The following MEIS2 variants were observed in gnomAD, a reference collection of about 807,000 sequenced individuals.
MEIS2 encodes Meis homeobox 2.
Under a neutral mutation model 58.6 loss-of-function variants are expected in MEIS2, and 9 were observed. The ratio of observed to expected loss-of-function variants is 0.15; its 90% CI spans 0.09 to 0.27. The LOEUF (loss-of-function observed/expected upper bound fraction) is 0.27, where lower values mean the gene tolerates loss of function less well. Ranked by LOEUF, MEIS2 falls within the 10% of genes least tolerant of loss-of-function variation. The pLI, the probability that MEIS2 is intolerant of heterozygous loss-of-function variation, is 1.00. For synonymous variants in MEIS2, 221 were observed against 228.4 expected, an observed-to-expected ratio of 0.97 and a Z score of 0.29; for missense variants, 427 against 635.0, an observed-to-expected ratio of 0.67 and a Z score of 3.52.
intron 7 of MEIS2, 22 bp from the exon 8 acceptor site, chr15:37,036,981 AC>A (rs1206014361): frequency 6.3e-7 from 1 of 1,587,144 alleles, no homozygotes; most frequent in Non-Finnish European, 8.6e-7. Context: ...AAATAAAAAT[AC>A]ATTAGAGAAA....
chr15:36,941,712 A>T (rs943461623), intron 9 of MEIS2, among the ~76,000 whole-genome samples: 2 of 152,220 alleles, frequency 1.3e-5, no homozygotes, highest in African/African-American at 4.8e-5. Flanking sequence ...AAGGAGATCA[A>T]TCTATCAATC....
chr15:36,956,088 C>T (rs1304250502), intron 8 of MEIS2, among the ~76,000 whole-genome samples: 2 of 137,330 alleles, frequency 1.5e-5, no homozygotes, highest in Admixed American at 1.5e-4. Context: ...TCCAGCTACT[C>T]GGGAGGCTGA....
chr15:37,070,203 A>G (rs551261645), intron 7 of MEIS2, among the ~76,000 whole-genome samples: 2 of 152,310 alleles, frequency 1.3e-5, no homozygotes, highest in Non-Finnish European at 2.9e-5. Flanking sequence ...TTAATGGAAC[A>G]TTCTGCACAA....
At chr15:37,094,038 A>G in intron 5 of MEIS2, 1 of 351,882 alleles carries the variant, frequency 2.8e-6, no homozygotes, top group Non-Finnish European at 5.2e-6. Flanking sequence ...ATCTGATTTG[A>G]TAATAACATC....
At chr15:37,074,226 T>C (rs989357144) in intron 7 of MEIS2, among the ~76,000 whole-genome samples, 1 of 152,030 alleles carries the variant, frequency 6.6e-6, no homozygotes, top group African/African-American at 2.4e-5. Context: ...GTATTAATAC[T>C]ACCACCTTAG....
At chr15:36,995,982 T>G (rs1450281230) in intron 8 of MEIS2, among the ~76,000 whole-genome samples, 1 of 75,358 alleles carries the variant, frequency 1.3e-5, no homozygotes, top group African/African-American at 3.8e-5. Context: ...TATATATATA[T>G]ATATATATAT....
chr15:37,016,671 T>G (rs138554499), intron 8 of MEIS2, among the ~76,000 whole-genome samples: 6 of 152,338 alleles, frequency 3.9e-5, no homozygotes, highest in African/African-American at 1.4e-4. Flanking sequence ...ATAGGAACTT[T>G]TGCCTTTAAC....
At position 36,891,817 on chromosome 15, in the gene MEIS2, T is replaced by G. The variant is rs1355535161; in HGVS notation, c.*356A>C. On this transcript the variant is annotated 3_prime_UTR_variant, in exon 12 of 12. Transcript: ENST00000561208. ...TCTTTTGGGAACAACACACATAGTG[T>G]GGAAAACAAGGATATATTTTTTTTT... The G allele has an allele frequency of 3.5e-6, 1 of 285,834 alleles. No individual in the cohort carries two copies. Among genetic ancestry groups the G allele is most frequent in the African/African-American group, 2.3e-5 (1 of 43,852 alleles). 17.7% of individuals were successfully genotyped at this position (285,834 alleles called of 1,614,324 possible). A position where few individuals can be genotyped will look rare whatever the true frequency, so the allele number is the denominator to read the frequency against.
intron 9 of MEIS2, among the ~76,000 whole-genome samples, chr15:36,908,358 C>T (rs1322144333): frequency 1.3e-5 from 2 of 152,152 alleles, no homozygotes; most frequent in East Asian, 1.9e-4. Flanking sequence ...AGTTATGCCA[C>T]ATCTGCTTTA....
chr15:36,959,586 T>A (rs112101181), intron 8 of MEIS2, among the ~76,000 whole-genome samples: 1 of 152,086 alleles, frequency 6.6e-6, no homozygotes, highest in Non-Finnish European at 1.5e-5. Context: ...AAAAGCCAGA[T>A]AGAAAATGAG....
chr15:37,012,787 T>G (rs1367378024), intron 8 of MEIS2, among the ~76,000 whole-genome samples: 1 of 152,224 alleles, frequency 6.6e-6, no homozygotes, highest in Non-Finnish European at 1.5e-5. Flanking sequence ...AAATCTAATT[T>G]GGATTTGCAA....
At chr15:37,013,890 C>T (rs1026783315) in intron 8 of MEIS2, among the ~76,000 whole-genome samples, 2 of 152,150 alleles carry the variant, frequency 1.3e-5, no homozygotes, top group African/African-American at 4.8e-5. Flanking sequence ...GGCCACCTTA[C>T]AGTATACTTG....
At chr15:37,019,897 A>G (rs8032714) in intron 8 of MEIS2, among the ~76,000 whole-genome samples, 137,308 of 152,206 alleles carry the variant, frequency 0.9, 63,662 homozygotes, top group East Asian at 1. Flanking sequence ...TTGCATACAT[A>G]GTAACACCAA....
chr15:36,996,047 A>ATATGTG (rs2060510654), intron 8 of MEIS2, among the ~76,000 whole-genome samples: 44 of 99,554 alleles, frequency 4.4e-4, no homozygotes, highest in African/African-American at 1.3e-3. Flanking sequence ...ACACACACAC[A>ATATGTG]TATATATATA....
chr15:36,991,981 G>T (rs2060311863), intron 8 of MEIS2, among the ~76,000 whole-genome samples: 1 of 150,290 alleles, frequency 6.7e-6, no homozygotes, highest in Admixed American at 6.6e-5. Context: ...TAGAGACGGG[G>T]TTTCACCGTT....
intron 11 of MEIS2, among the ~76,000 whole-genome samples, chr15:36,894,006 C>G (rs1252948035): frequency 6.6e-6 from 1 of 152,188 alleles, no homozygotes; most frequent in South Asian, 2.1e-4. Context: ...ACACTTGAAG[C>G]TTTAAAGTCT....
chr15:37,055,436 T>G (rs1888256963), intron 7 of MEIS2, among the ~76,000 whole-genome samples: 1 of 152,142 alleles, frequency 6.6e-6, no homozygotes, highest in African/African-American at 2.4e-5. Context: ...CCCCACTTCC[T>G]AGAGCCTCAC....
chr15:36,953,000 T>TA (rs932919533), intron 8 of MEIS2, among the ~76,000 whole-genome samples: 3 of 152,116 alleles, frequency 2.0e-5, no homozygotes, highest in Non-Finnish European at 4.4e-5. Context: ...AAGACCATAA[T>TA]AACTTTAACT....
At chr15:37,044,996 T>C (rs929286872) in intron 7 of MEIS2, among the ~76,000 whole-genome samples, 6 of 152,190 alleles carry the variant, frequency 3.9e-5, no homozygotes, top group Admixed American at 6.5e-5. Flanking sequence ...CCCTGGCTTC[T>C]AGTAGTCACC....
Sources: allele counts gnomAD v4.1 joint callset (sites outside exome capture counted in the v4.1 genomes callset), GRCh38; gene constraint gnomAD v4.1.1; transcripts MANE v1.5; gene names NCBI Gene and HGNC (gene_info 2026-07-23, HGNC 2026-07-21).